Variants in DPF3 observed in about 807,000 individuals in gnomAD.
DPF3 encodes the protein double PHD fingers 3, also known as zinc finger protein DPF3.
Under a neutral mutation model 56.8 loss-of-function variants are expected in DPF3, and 18 were observed. That is an observed-to-expected ratio of 0.32 (90% CI 0.22 to 0.47). The LOEUF (loss-of-function observed/expected upper bound fraction) is 0.47, where lower values mean the gene tolerates loss of function less well. Among genes scored for constraint, DPF3 ranks in the 20% least tolerant of loss-of-function variants. The probability of loss-of-function intolerance (pLI) is 1.00; values close to 1 mark genes in which losing one functional copy is unlikely to be tolerated. For synonymous variants in DPF3, 188 were observed against 180.2 expected (o/e 1.04, Z -0.35); for missense variants, 403 against 488.8 (o/e 0.82, Z 1.65).
chr14:72,870,683 A>C (rs749533748), intron 1 of DPF3, among the ~76,000 whole-genome samples: 19 of 151,776 alleles, frequency 1.3e-4, no homozygotes, highest in Non-Finnish European at 2.4e-4. Context: ...CCTACTTATC[A>C]TTTCATTTTT....
chr14:72,626,901 A>G (rs1481192167), intron 9 of DPF3, among the ~76,000 whole-genome samples: 2 of 150,380 alleles, frequency 1.3e-5, no homozygotes, highest in Non-Finnish European at 3.0e-5. Flanking sequence ...CTCAGCTTTG[A>G]GTTTCTTTGT....
At chr14:72,628,407 C>A (rs796411190) in intron 9 of DPF3, among the ~76,000 whole-genome samples, 15 of 152,146 alleles carry the variant, frequency 9.9e-5, no homozygotes, top group African/African-American at 3.6e-4. Flanking sequence ...TGATCTACAC[C>A]TGAAGGTAAC....
chr14:72,728,516 C>T (rs927207146), intron 4 of DPF3, among the ~76,000 whole-genome samples: 5 of 152,146 alleles, frequency 3.3e-5, no homozygotes, highest in African/African-American at 1.2e-4. Flanking sequence ...AGGAAGGTCA[C>T]GCTCATCCTT....
chr14:72,830,945 C>A (rs1884028490), intron 1 of DPF3, among the ~76,000 whole-genome samples: 1 of 152,188 alleles, frequency 6.6e-6, no homozygotes, highest in Admixed American at 6.5e-5. Flanking sequence ...CGGGCCTCTG[C>A]CCTGGGCTCT....
In DPF3 at chr14:72,833,929, C is replaced by T. The variant is rs1026672172; in HGVS notation, c.32+60128G>A. Among the ~76,000 whole-genome samples, 3 of 151,434 alleles carry T rather than the reference C, an allele frequency of 2.0e-5. No individual in the cohort carries two copies. In the South Asian group the frequency reaches 6.3e-4, roughly 32 times the overall value. The stretch of plus-strand genomic sequence containing the variant: ...GGGCATGGAAGCTCACGCCTGTAAT[C>T]CCAGCACTTTGGGAGGTCGAGGCAG... On this transcript the variant is annotated intron_variant, in intron 1 of 10. Coordinates refer to ENST00000556509, the MANE Select transcript of DPF3 (RefSeq NM_001280542.3).
At chr14:72,802,857 C>T (rs777788650) in intron 1 of DPF3, among the ~76,000 whole-genome samples, 2 of 152,140 alleles carry the variant, frequency 1.3e-5, no homozygotes, top group African/African-American at 2.4e-5. Context: ...TAGCCTGTCT[C>T]GATGTGATAG....
In DPF3 at chr14:72,610,417, C is replaced by A. The variant is rs1281373619; in HGVS notation, c.*8880G>T. Among the ~76,000 whole-genome samples the A allele has an allele frequency of 6.6e-6, 1 of 152,206 alleles. No individual in the cohort carries two copies. The highest frequency in any genetic ancestry group is 1.5e-5 in the Non-Finnish European group (1 of 68,020). ...CAGCGTTCACAAATGGAGGCGCCCT[C>A]ACCAAAGCCACTGGACCAGCCTGTC... is the stretch of plus-strand genomic sequence containing the variant. On this transcript the variant is annotated 3_prime_UTR_variant, in exon 11 of 11. Coordinates refer to ENST00000556509, the MANE Select transcript of DPF3 (RefSeq NM_001280542.3).
chr14:72,880,397 G>A lies in DPF3; in HGVS notation c.32+13660C>T, dbSNP rs151267159. ...TTGCCTAGCAACGAGTAACCCTGAA[G>A]ACACATCACCAAACCCAGATGCCAA... On this transcript the variant is annotated intron_variant, in intron 1 of 10. Transcript: ENST00000556509. 5.3e-4 allele frequency among the ~76,000 whole-genome samples: 81 copies of A among 152,314 alleles called. No individual in the cohort carries two copies. In the East Asian group the frequency reaches 0.014, roughly 26 times the overall value.
intron 7 of DPF3, among the ~76,000 whole-genome samples, chr14:72,682,897 A>G (rs964975223): frequency 2.0e-5 from 3 of 152,182 alleles, no homozygotes; most frequent in African/African-American, 7.2e-5. Flanking sequence ...TGACAGTACA[A>G]CCTAACTCCT....
chr14:72,641,049 A>G (rs1885547535), intron 8 of DPF3, among the ~76,000 whole-genome samples: 1 of 152,144 alleles, frequency 6.6e-6, no homozygotes, highest in Non-Finnish European at 1.5e-5. Context: ...GGAGAGAGGC[A>G]CCTCATGACA....
At chr14:72,699,723 C>T (rs1025058821) in intron 6 of DPF3, among the ~76,000 whole-genome samples, 1 of 152,064 alleles carries the variant, frequency 6.6e-6, no homozygotes, top group Non-Finnish European at 1.5e-5. Flanking sequence ...AACCTGCATC[C>T]CCATTTTAAA....
chr14:72,867,253 T>C (rs1034381045), intron 1 of DPF3, among the ~76,000 whole-genome samples: 12 of 152,202 alleles, frequency 7.9e-5, no homozygotes, highest in African/African-American at 2.9e-4. Flanking sequence ...TGAGCACATC[T>C]ATGATGAGTA....
At chr14:72,876,162 G>A (rs919770437) in intron 1 of DPF3, among the ~76,000 whole-genome samples, 14 of 152,236 alleles carry the variant, frequency 9.2e-5, no homozygotes, top group Non-Finnish European at 1.3e-4. Flanking sequence ...TCTGCCCAGC[G>A]TTGCAAATCG....
chr14:72,749,019 G>A (rs1323476767), intron 3 of DPF3, among the ~76,000 whole-genome samples: 1 of 152,234 alleles, frequency 6.6e-6, no homozygotes, highest in Non-Finnish European at 1.5e-5. Flanking sequence ...ACCTAGCGGA[G>A]CTGTGAGAAG....
intron 3 of DPF3, among the ~76,000 whole-genome samples, chr14:72,747,749 G>A (rs2139890189): frequency 6.6e-6 from 1 of 152,218 alleles, no homozygotes; most frequent in Middle Eastern, 3.4e-3. Context: ...AAATCATGGG[G>A]GAGGGTCTTT....
In DPF3 at chr14:72,695,015, A is replaced by C. The variant is rs540820779; in HGVS notation, c.605-1802T>G. Among the ~76,000 whole-genome samples the C allele has an allele frequency of 7.9e-5, 12 of 152,312 alleles. No homozygotes were observed. In the South Asian group the frequency reaches 2.3e-3, roughly 29 times the overall value. ...TATTATTTATTTGATATACTGCTGC[A>C]TTCTGCTTTCTAATACTGCATCTTG... On this transcript the variant is annotated intron_variant, in intron 6 of 10. Transcript: ENST00000556509.
intron 8 of DPF3, among the ~76,000 whole-genome samples, chr14:72,649,881 C>T (rs985631500): frequency 6.6e-6 from 1 of 152,180 alleles, no homozygotes; most frequent in South Asian, 2.1e-4. Context: ...GATGAAAACA[C>T]GTATCTTATT....
chr14:72,682,180 C>CTCCAGGCTGGGCAACAAGAGT (rs1887192158), intron 7 of DPF3, among the ~76,000 whole-genome samples: 1 of 148,760 alleles, frequency 6.7e-6, no homozygotes, highest in South Asian at 2.1e-4. Flanking sequence ...TGCCACTGCA[C>CTCCAGGCTGGGCAACAAGAGT]TCCAGGCTGG....
At chr14:72,700,073 A>G (rs761924494) in intron 6 of DPF3, among the ~76,000 whole-genome samples, 65 of 152,236 alleles carry the variant, frequency 4.3e-4, no homozygotes, top group Non-Finnish European at 6.2e-4. Flanking sequence ...TAGGGGCAAG[A>G]GGAAGAGTGA....
Sources: gnomAD v4.1 joint callset for allele counts (sites outside exome capture counted in the v4.1 genomes callset) on GRCh38, gnomAD v4.1.1 for gene constraint, MANE v1.5 for transcripts, NCBI Gene and HGNC (gene_info 2026-07-23, HGNC 2026-07-21) for gene names.